Variants in SLC39A14 observed in about 807,000 individuals in gnomAD.
SLC39A14 encodes solute carrier family 39 member 14.
SLC39A14 carries 19 observed loss-of-function variants against 45.5 expected under a neutral mutation model. That is an observed-to-expected ratio of 0.42 (90% CI 0.29 to 0.61). The LOEUF is 0.61. Among genes scored for constraint, SLC39A14 ranks in the 20% least tolerant of loss-of-function variants. The pLI is 0.22. For missense variants in SLC39A14, 447 were observed against 616.5 expected (o/e 0.73, Z 2.91); for synonymous variants, 264 against 251.3 (o/e 1.05, Z -0.48).
intron 2 of SLC39A14, among the ~76,000 whole-genome samples, chr8:22,405,302 C>G (rs1835147863): frequency 6.6e-6 from 1 of 152,154 alleles, no homozygotes; most frequent in Non-Finnish European, 1.5e-5. Context: ...TATCTGAGGT[C>G]AGGGGTTCGA....
At chr8:22,378,510 G>T (rs1028704386) in intron 1 of SLC39A14, among the ~76,000 whole-genome samples, 1 of 152,156 alleles carries the variant, frequency 6.6e-6, no homozygotes, top group East Asian at 1.9e-4. Context: ...CCAGGCAGGG[G>T]CCACTCTCAG....
At chr8:22,405,016 C>G in intron 2 of SLC39A14, 36 bp downstream of exon 2, 2 of 1,593,468 alleles carry the variant, frequency 1.3e-6, no homozygotes, top group South Asian at 2.3e-5. Context: ...CTCTGCTCAG[C>G]CCCGTCTCTG....
chr8:22,408,351 C>T lies in SLC39A14; in HGVS notation c.312C>T (p.Ser104=), dbSNP rs750529883. The change falls in exon 3 of 9, where the codon AGC becomes AGT. Residue 104 remains serine, a synonymous_variant. Transcript: ENST00000381237. ...SGDLFTAHNF[S]EQSRIGSSEL... is the part of the protein sequence containing the mutation. ...ACCTCTTCACTGCCCACAATTTCAG[C>T]GAGCAGTCGCGGATTGGGAGCAGCG... The T allele has an allele frequency of 1.1e-5, 18 of 1,614,196 alleles. No homozygotes were observed. Among genetic ancestry groups the T allele is most frequent in the East Asian group, 8.9e-5 (4 of 44,890 alleles).
intron 1 of SLC39A14, chr8:22,389,716 G>A (rs960506793): frequency 6.6e-6 from 1 of 152,418 alleles, no homozygotes; most frequent in Middle Eastern, 3.4e-3. Flanking sequence ...TGAGAGGTAG[G>A]GCGTGCACAG....
intron 1 of SLC39A14, among the ~76,000 whole-genome samples, chr8:22,402,726 G>A (rs940512321): frequency 3.7e-4 from 55 of 147,024 alleles, no homozygotes; most frequent in Non-Finnish European, 5.2e-4. Context: ...CCGAGATGGC[G>A]CCACTGCACT....
chr8:22,421,650 CAAAGTT>C lies in SLC39A14; in HGVS notation c.*1953_*1958del. The C allele has an allele frequency of 1.0e-6, 1 of 985,718 alleles. No individual in the cohort carries two copies. Among genetic ancestry groups the C allele is most frequent in the Non-Finnish European group, 1.2e-6 (1 of 829,852 alleles). The allele number at this position is 985,718 out of a possible 1,614,324, so 61.1% of individuals were successfully genotyped here. ...TTTCAGGAGCTAGCAGAAAATAACTCAAAGTTGAAGACTCTGGAAGATTTTGCTTTA... is the reference window on the plus strand; with the variant it reads ...TTTCAGGAGCTAGCAGAAAATAACTCGAAGACTCTGGAAGATTTTGCTTTA... On this transcript the variant is annotated 3_prime_UTR_variant, in exon 9 of 9. Coordinates refer to ENST00000381237, the MANE Select transcript of SLC39A14 (RefSeq NM_001128431.4).
downstream of SLC39A14, among the ~76,000 whole-genome samples, chr8:22,423,430 G>T (rs1454377291): frequency 6.6e-6 from 1 of 151,758 alleles, no homozygotes; most frequent in Non-Finnish European, 1.5e-5. Context: ...CCGCTTCCCG[G>T]GTTCACGCCA....
intron 1 of SLC39A14, among the ~76,000 whole-genome samples, chr8:22,374,770 G>T (rs1308948094): frequency 2.3e-5 from 3 of 131,292 alleles, no homozygotes; most frequent in Non-Finnish European, 4.7e-5. Flanking sequence ...TTTTGAGACA[G>T]GGTCTCACTC....
At chr8:22,430,622 AAAC>A (rs1836451700) in intron 8 of SLC39A14, among the ~76,000 whole-genome samples, 1 of 152,112 alleles carries the variant, frequency 6.6e-6, no homozygotes, top group Non-Finnish European at 1.5e-5. Context: ...GCAATGATGC[AAAC>A]AACAACAGTC....
chr8:22,408,066 C>T (rs988860044), intron 2 of SLC39A14, among the ~76,000 whole-genome samples: 3 of 152,124 alleles, frequency 2.0e-5, no homozygotes, highest in Non-Finnish European at 2.9e-5. Flanking sequence ...ACTCATTTAC[C>T]GACGGTTGTG....
chr8:22,432,449 C>T (rs1836480918), intron 8 of SLC39A14, among the ~76,000 whole-genome samples: 1 of 151,776 alleles, frequency 6.6e-6, no homozygotes, highest in African/African-American at 2.4e-5. Context: ...TCTTCTCCCT[C>T]CTTCCTTTTT....
At position 22,371,833 on chromosome 8, in the gene SLC39A14, C is replaced by T. The variant is rs1832954179; in HGVS notation, c.-16+4425C>T. ...GATCTCGGCTCACTGCAAACTCTGC[C>T]TCCCGGGTTCAAGCCATTCTCCTGC... On this transcript the variant is annotated intron_variant, in intron 1 of 8. Transcript: ENST00000381237. Among the ~76,000 whole-genome samples the T allele has an allele frequency of 2.6e-5, 4 of 151,592 alleles. No homozygotes were observed. The South Asian group carries it at 6.3e-4, about 24-fold the overall frequency.
At chr8:22,418,181 G>A (rs1836002982) in intron 8 of SLC39A14, among the ~76,000 whole-genome samples, 1 of 152,170 alleles carries the variant, frequency 6.6e-6, no homozygotes, top group African/African-American at 2.4e-5. Flanking sequence ...GAGATTACAG[G>A]CATGAACCAC....
At chr8:22,417,553 C>A in intron 7 of SLC39A14, 98 bp from the exon 8 acceptor site, 1 of 1,029,234 alleles carries the variant, frequency 9.7e-7, no homozygotes, top group Non-Finnish European at 1.5e-6. Flanking sequence ...GTCCTCCCAG[C>A]TGAGCCTCCT....
intron 7 of SLC39A14, 82 bp downstream of exon 7, chr8:22,416,362 A>T: frequency 8.6e-7 from 1 of 1,161,348 alleles, no homozygotes; most frequent in South Asian, 1.3e-5. Context: ...CCTTGCTCCC[A>T]TCTCCCTGTC....
chr8:22,381,194 G>A (rs925536470), intron 1 of SLC39A14, among the ~76,000 whole-genome samples: 58 of 152,100 alleles, frequency 3.8e-4, no homozygotes, highest in Non-Finnish European at 5.0e-4. Flanking sequence ...GGCTGGTTTC[G>A]AACTCCTAAC....
chr8:22,401,516 TTCTG>T (rs755914362), intron 1 of SLC39A14, among the ~76,000 whole-genome samples: 30 of 151,994 alleles, frequency 2.0e-4, no homozygotes, highest in East Asian at 1.4e-3. Flanking sequence ...TGTTCTTTCT[TTCTG>T]TCTTTCTCTT....
chr8:22,394,660 C>T (rs558599770), intron 1 of SLC39A14, among the ~76,000 whole-genome samples: 44 of 152,180 alleles, frequency 2.9e-4, no homozygotes, highest in South Asian at 8.3e-4. Context: ...TAATGCTCAC[C>T]GTCAGTCCTC....
intron 4 of SLC39A14, among the ~76,000 whole-genome samples, chr8:22,412,886 C>T (rs747904886): frequency 6.6e-6 from 1 of 152,054 alleles, no homozygotes; most frequent in Non-Finnish European, 1.5e-5. Flanking sequence ...TGCAGTGAGC[C>T]GAGATTGCAC....
Sources: allele counts gnomAD v4.1 joint callset (sites outside exome capture counted in the v4.1 genomes callset), GRCh38; gene constraint gnomAD v4.1.1; transcripts MANE v1.5; gene names NCBI Gene and HGNC (gene_info 2026-07-23, HGNC 2026-07-21).